WDFY4: variants seen among roughly 807,000 people sequenced by gnomAD.
WDFY4 encodes the protein WD repeat- and FYVE domain-containing protein 4.
A neutral mutation model predicts 351.9 loss-of-function variants in WDFY4; 169 were observed. The observed-to-expected ratio is 0.48, with a 90% CI of 0.42 to 0.55. The LOEUF is 0.55. WDFY4 is among the 20% of genes least tolerant of loss of function. The pLI, the probability that WDFY4 is intolerant of heterozygous loss-of-function variation, is 0.00. For synonymous variants in WDFY4, 1,622 were observed against 1,574.6 expected (o/e 1.03, Z -0.71); for missense variants, 3,803 against 3,935.6 (o/e 0.97, Z 0.90).
At chr10:48,737,142 T>A (rs916941072) in intron 11 of WDFY4, among the ~76,000 whole-genome samples, 1 of 152,176 alleles carries the variant, frequency 6.6e-6, no homozygotes, top group African/African-American at 2.4e-5. Flanking sequence ...CCTAAGTAGC[T>A]AGAACTATAG....
intron 12 of WDFY4, among the ~76,000 whole-genome samples, chr10:48,751,227 C>T (rs557732903): frequency 6.6e-6 from 1 of 152,316 alleles, no homozygotes; most frequent in African/African-American, 2.4e-5. Flanking sequence ...CGAGGCGTTC[C>T]TGGATGAGGA....
chr10:48,772,609 A>G (rs1204397917), intron 13 of WDFY4, among the ~76,000 whole-genome samples: 2 of 136,478 alleles, frequency 1.5e-5, no homozygotes, highest in East Asian at 2.1e-4. Flanking sequence ...GGTTAGTTAC[A>G]TATGTATACA....
chr10:48,902,925 C>G (rs577030644), intron 47 of WDFY4, among the ~76,000 whole-genome samples: 1 of 152,246 alleles, frequency 6.6e-6, no homozygotes, highest in Non-Finnish European at 1.5e-5. Context: ...GCCTGGCCAA[C>G]ATGGTGAAAC....
chr10:48,980,729 G>T (rs188808003), intron 60 of WDFY4, among the ~76,000 whole-genome samples: 1 of 152,180 alleles, frequency 6.6e-6, no homozygotes, highest in Non-Finnish European at 1.5e-5. Context: ...CAGGACAGCA[G>T]GGGCTGTATC....
intron 39 of WDFY4, among the ~76,000 whole-genome samples, chr10:48,846,522 T>C (rs115750477): frequency 0.011 from 1,628 of 152,336 alleles, 27 homozygotes; most frequent in African/African-American, 0.037. Flanking sequence ...GCAGGTGCTG[T>C]GAATCACTGG....
intron 13 of WDFY4, among the ~76,000 whole-genome samples, chr10:48,771,596 C>A (rs1292022714): frequency 6.6e-6 from 1 of 152,224 alleles, no homozygotes; most frequent in Admixed American, 6.5e-5. Flanking sequence ...GGCCTTGAGT[C>A]CCTTCTAACT....
At chr10:48,710,496 G>A (rs2063741332) in intron 2 of WDFY4, among the ~76,000 whole-genome samples, 1 of 152,212 alleles carries the variant, frequency 6.6e-6, no homozygotes, top group Admixed American at 6.5e-5. Context: ...AGAAAGGACA[G>A]ACAGTTAGCT....
intron 47 of WDFY4, among the ~76,000 whole-genome samples, chr10:48,905,700 C>A (rs897025392): frequency 2.0e-5 from 3 of 152,166 alleles, no homozygotes; most frequent in Non-Finnish European, 4.4e-5. Context: ...ATGCGGACAC[C>A]CCGCAGAGTG....
intron 20 of WDFY4, 37 bp downstream of exon 20, chr10:48,786,907 A>G: frequency 6.6e-7 from 1 of 1,524,568 alleles, no homozygotes; most frequent in South Asian, 1.2e-5. Context: ...TCTTGCTGAT[A>G]TTAGTTTTTA....
Position 48,743,125 on chromosome 10 carries a change from A to C in WDFY4, c.2036A>C (p.Glu679Ala). The part of the protein sequence containing the change: ...WGAVSPRQTL[E>A]LVLYTLCAVS... ...GCAGTATCCCCCAGACAGACCCTGG[A>C]GCTGGTTTTGTACACTCTCTGTGCT... The change falls in exon 12 of 62, where the codon GAG (glutamate) becomes GCG (alanine). Residue 679 changes from glutamate (E) to alanine (A), a missense_variant. By Grantham distance (107) the Glu-to-Ala change is moderately radical (BLOSUM62 -1). Around this residue, in one of 3 missense-constraint regions of WDFY4, gnomAD observed 3,054 missense variants for 3,148.6 expected, o/e 0.97. Coordinates refer to ENST00000325239, the MANE Select transcript of WDFY4 (RefSeq NM_001394531.1). 6 of 1,551,572 alleles carry C rather than the reference A, an allele frequency of 3.9e-6. No individual in the cohort carries two copies. The highest frequency in any genetic ancestry group is 5.2e-6 in the Non-Finnish European group (6 of 1,146,956).
Position 48,939,835 on chromosome 10 carries a change from T to C in WDFY4, c.7587-1971T>C, listed in dbSNP as rs1468399217. On this transcript the variant is annotated intron_variant, in intron 47 of 61. Coordinates refer to ENST00000325239, the MANE Select transcript of WDFY4 (RefSeq NM_001394531.1). ...GAACTTCCTTGAAGCTGATAGCCAATGAAATGAGGAGGGGGATGGTGAAAT... is the reference window on the plus strand; with the variant it reads ...GAACTTCCTTGAAGCTGATAGCCAACGAAATGAGGAGGGGGATGGTGAAAT... Among the ~76,000 whole-genome samples, 21 of 152,298 alleles carry C rather than the reference T, an allele frequency of 1.4e-4. 1 individual carries two copies. In the East Asian group the frequency reaches 2.3e-3, roughly 17 times the overall value.
At chr10:48,896,612 G>C (rs1837090475) in intron 44 of WDFY4, among the ~76,000 whole-genome samples, 1 of 152,124 alleles carries the variant, frequency 6.6e-6, no homozygotes, top group East Asian at 1.9e-4. Flanking sequence ...AGCTCTAGGT[G>C]CTGTCCTCAT....
chr10:48,921,030 A>G lies in WDFY4; in HGVS notation c.7586+19167A>G, dbSNP rs1839026693. ...ATCTAAATAAATGGAGAAACATACC[A>G]TGTTCGTGAATTGGATGACTTAATG... On this transcript the variant is annotated intron_variant, in intron 47 of 61. Coordinates refer to ENST00000325239, the MANE Select transcript of WDFY4 (RefSeq NM_001394531.1). Among the ~76,000 whole-genome samples the G allele has an allele frequency of 2.6e-5, 4 of 152,214 alleles. No individual in the cohort carries two copies. The South Asian group carries it at 8.3e-4, about 31-fold the overall frequency.
At chr10:48,804,777 G>GGA (rs1555017755) in intron 25 of WDFY4, 2 of 911,738 alleles carry the variant, frequency 2.2e-6, no homozygotes, top group African/African-American at 3.0e-5. Flanking sequence ...ATCTGAGGGA[G>GGA]GGGGTATGGA....
At position 48,729,440 on chromosome 10, in the gene WDFY4, G is replaced by C; in HGVS notation, c.980G>C (p.Gly327Ala). ...CTCATCTGTTCCCCCAGGTATGATG[G>C]GCTGACCCAGAGCGAAGTGGACCCG... The part of the protein sequence containing the change: ...LLLKVLLRYD[G>A]LTQSEVDPHL... Residue 327 changes from glycine (G) to alanine (A), a missense_variant, in exon 8 of 62, where the codon GGG becomes GCG. By Grantham distance (60) the Gly-to-Ala change is moderately conservative (BLOSUM62 0). Around this residue, in one of 3 missense-constraint regions of WDFY4, gnomAD observed 488 missense variants for 456.8 expected, o/e 1.07. Coordinates refer to ENST00000325239, the MANE Select transcript of WDFY4 (RefSeq NM_001394531.1). 1 of 1,550,852 alleles carries C rather than the reference G, an allele frequency of 6.4e-7. No individual in the cohort carries two copies. Among genetic ancestry groups the C allele is most frequent in the Non-Finnish European group, 8.7e-7 (1 of 1,146,986 alleles).
intron 43 of WDFY4, among the ~76,000 whole-genome samples, chr10:48,882,129 C>T (rs533579293): frequency 1.3e-5 from 2 of 152,200 alleles, no homozygotes; most frequent in Admixed American, 1.3e-4. Context: ...CAACCTGCAG[C>T]CAGGCCTGGG....
At chr10:48,964,505 G>A (rs1172398224) in intron 54 of WDFY4, among the ~76,000 whole-genome samples, 1 of 152,218 alleles carries the variant, frequency 6.6e-6, no homozygotes, top group African/African-American at 2.4e-5. Flanking sequence ...AGGAAACTGA[G>A]GCTCAGAGAG....
intron 35 of WDFY4, chr10:48,823,108 G>A: frequency 1.5e-6 from 2 of 1,296,256 alleles, no homozygotes; most frequent in Non-Finnish European, 2.0e-6. Context: ...GTATGTATGT[G>A]CATGCATATA....
At chr10:48,763,760 C>T (rs994951643) in intron 13 of WDFY4, among the ~76,000 whole-genome samples, 3 of 152,236 alleles carry the variant, frequency 2.0e-5, no homozygotes, top group African/African-American at 4.8e-5. Context: ...AATTCTCCCT[C>T]GCTGTCTCTC....
Sources: allele counts gnomAD v4.1 joint callset (sites outside exome capture counted in the v4.1 genomes callset), GRCh38; gene constraint gnomAD v4.1.1; regional missense constraint gnomAD v4.1.1; transcripts MANE v1.5; gene names NCBI Gene and HGNC (gene_info 2026-07-23, HGNC 2026-07-21).